NR1I2: variants seen among roughly 807,000 people sequenced by gnomAD.
NR1I2 encodes the protein orphan nuclear receptor PAR1.
NR1I2 carries 42 observed loss-of-function variants against 43.3 expected under a neutral mutation model. That is an observed-to-expected ratio of 0.97 (90% confidence interval 0.76 to 1.26). The LOEUF is 1.26. Ranked by LOEUF, NR1I2 falls within the 50% of genes most tolerant of loss-of-function variation. The pLI, the probability that NR1I2 is intolerant of heterozygous loss-of-function variation, is 0.00. For synonymous variants in NR1I2, 229 were observed against 215.0 expected (o/e 1.06, Z -0.57); for missense variants, 559 against 566.7 (o/e 0.99, Z 0.14).
intron 1 of NR1I2, among the ~76,000 whole-genome samples, chr3:119,797,620 C>T (rs2107957920): frequency 6.6e-6 from 1 of 152,274 alleles, no homozygotes; most frequent in Non-Finnish European, 1.5e-5. Flanking sequence ...ATACATATCT[C>T]TAAAAGATAG....
chr3:119,798,770 T>G (rs190475938), intron 1 of NR1I2, among the ~76,000 whole-genome samples: 2 of 152,206 alleles, frequency 1.3e-5, no homozygotes, highest in Admixed American at 6.5e-5. Context: ...TTCCTGGACA[T>G]TTAATATAAG....
At chr3:119,813,298 C>T (rs974481836) in intron 5 of NR1I2, among the ~76,000 whole-genome samples, 1 of 152,168 alleles carries the variant, frequency 6.6e-6, no homozygotes, top group Non-Finnish European at 1.5e-5. Flanking sequence ...TTGTACTCTC[C>T]CTTAAAGGGG....
At chr3:119,783,103 A>G (rs1229869377) in intron 1 of NR1I2, among the ~76,000 whole-genome samples, 3 of 152,046 alleles carry the variant, frequency 2.0e-5, no homozygotes, top group Admixed American at 2.0e-4. Context: ...CATGGCCTCT[A>G]ATGATATGGT....
At position 119,811,673 on chromosome 3, in the gene NR1I2, G is replaced by T. The variant is rs138795315; in HGVS notation, c.466G>T (p.Asp156Tyr). The T allele has an allele frequency of 1.2e-6, 2 of 1,613,882 alleles. No homozygotes were observed. The highest frequency in any genetic ancestry group is 1.7e-6 in the Non-Finnish European group (2 of 1,179,900). Reference sequence around the variant, plus strand: ...GCGGATGATGATCAGGGAGCTGATGGACGCTCAGATGAAAACCTTTGACAC... The same window carrying T: ...GCGGATGATGATCAGGGAGCTGATGTACGCTCAGATGAAAACCTTTGACAC... Residue 156 changes from aspartate to tyrosine, a missense_variant, in exon 4 of 9, where the codon GAC becomes TAC. Physicochemically the swap from Asp to Tyr is radical, Grantham distance 160. Around this residue, in one of 3 missense-constraint regions of NR1I2, gnomAD observed 232 missense variants for 236.6 expected, o/e 0.98. Transcript: ENST00000393716.
At position 119,817,612 on chromosome 3, in the gene NR1I2, A is replaced by G; in HGVS notation, c.*400A>G. On this transcript the variant is annotated 3_prime_UTR_variant, in exon 9 of 9. Transcript: ENST00000393716. Reference sequence around the variant, plus strand: ...ATCTGGGGTCTATGCCCACATACCCACGTTTGTTCGCTTCCTGAGTCTTTT... The same window carrying G: ...ATCTGGGGTCTATGCCCACATACCCGCGTTTGTTCGCTTCCTGAGTCTTTT... 8.7e-7 allele frequency: 1 copy of G among 1,145,764 alleles called. No homozygotes were observed. The highest frequency in any genetic ancestry group is 1.1e-6 in the Non-Finnish European group (1 of 920,700). The allele number at this position is 1,145,764 out of a possible 1,614,324, so 71.0% of individuals were successfully genotyped here.
At position 119,815,337 on chromosome 3, in the gene NR1I2, C is replaced by T. The variant is rs771690396; in HGVS notation, c.952C>T (p.Leu318Phe). ...ACCATCCACAGGTGGCTTCCAGCAA[C>T]TTCTACTGGAGCCCATGCTGAAATT... The change falls in exon 7 of 9, where the codon CTT (leucine) becomes TTT (phenylalanine). Residue 318 changes from leucine to phenylalanine, a missense_variant. Physicochemically the swap from Leu to Phe is conservative, Grantham distance 22. Transcript: ENST00000393716. 6.2e-7 allele frequency: 1 copy of T among 1,613,954 alleles called. No individual in the cohort carries two copies. Among genetic ancestry groups the T allele is most frequent in the South Asian group, 1.1e-5 (1 of 91,084 alleles).
At chr3:119,808,390 C>T (rs1445697935) in intron 2 of NR1I2, among the ~76,000 whole-genome samples, 1 of 152,236 alleles carries the variant, frequency 6.6e-6, no homozygotes, top group Non-Finnish European at 1.5e-5. Flanking sequence ...CCAGGAGTCC[C>T]CTCACATTGG....
intron 8 of NR1I2, 107 bp downstream of exon 8, chr3:119,815,938 C>T (rs141166461): frequency 2.3e-6 from 2 of 864,014 alleles, no homozygotes; most frequent in African/African-American, 3.3e-5. Context: ...GGAGGTAGCC[C>T]CAGCCAGACC....
At chr3:119,793,606 GTC>G (rs761109532) in intron 1 of NR1I2, among the ~76,000 whole-genome samples, 4 of 152,002 alleles carry the variant, frequency 2.6e-5, no homozygotes, top group Non-Finnish European at 5.9e-5. Flanking sequence ...TCCACATTAC[GTC>G]TCTTTCTCTG....
intron 1 of NR1I2, among the ~76,000 whole-genome samples, chr3:119,784,860 G>GT (rs1357546044): frequency 2.0e-5 from 3 of 151,762 alleles, no homozygotes; most frequent in Non-Finnish European, 4.4e-5. Flanking sequence ...CCACTATAAT[G>GT]TTTACCTTTT....
intron 1 of NR1I2, among the ~76,000 whole-genome samples, chr3:119,799,722 C>T (rs2055050857): frequency 6.6e-6 from 1 of 152,158 alleles, no homozygotes; most frequent in African/African-American, 2.4e-5. Context: ...GTTCATGCCT[C>T]TAATTCCAGC....
chr3:119,802,843 G>T, intron 1 of NR1I2: 1 of 456,492 alleles, frequency 2.2e-6, no homozygotes, highest in Non-Finnish European at 4.4e-6. Flanking sequence ...ACACATGTCT[G>T]TTGAGCAATA....
At chr3:119,786,031 G>A (rs2472673) in intron 1 of NR1I2, among the ~76,000 whole-genome samples, 109,781 of 152,110 alleles carry the variant, frequency 0.72, 42,267 homozygotes, top group East Asian at 1. Context: ...ATTAAATGCT[G>A]TTAAGCATTG....
intron 4 of NR1I2, 73 bp from the exon 5 acceptor site, chr3:119,812,613 G>T: frequency 5.1e-6 from 8 of 1,581,416 alleles, no homozygotes; most frequent in Non-Finnish European, 6.9e-6. Flanking sequence ...TGTTTGGCTG[G>T]GGCCTGAGTT....
chr3:119,818,122 G>A lies in NR1I2; in HGVS notation c.*910G>A. 1.0e-6 allele frequency: 1 copy of A among 985,686 alleles called. No individual in the cohort carries two copies. Among genetic ancestry groups the A allele is most frequent in the Non-Finnish European group, 1.2e-6 (1 of 830,012 alleles). 61.1% of individuals were successfully genotyped at this position (985,686 alleles called of 1,614,324 possible). ...GAGCAAGGGCACAAACTGCAGCTGT[G>A]AGTGCGTGTGTGTGATTTGGTGTAG... is the stretch of plus-strand genomic sequence containing the variant. On this transcript the variant is annotated 3_prime_UTR_variant, in exon 9 of 9. Coordinates refer to ENST00000393716, the MANE Select transcript of NR1I2 (RefSeq NM_003889.4).
rs2107975820 is a variant in NR1I2, at chr3:119,812,933, G to A, written c.767G>A (p.Ser256Asn). The A allele has an allele frequency of 6.2e-7, 1 of 1,613,920 alleles. No individual in the cohort carries two copies. Among genetic ancestry groups the A allele is most frequent in the Non-Finnish European group, 8.5e-7 (1 of 1,180,046 alleles). The change falls in exon 5 of 9, where the codon AGC becomes AAC. Residue 256 changes from serine to asparagine, a missense_variant. This residue lies in a region of NR1I2 where 323 missense variants were observed against 312.2 expected (regional missense o/e 1.03). Transcript: ENST00000393716. The stretch of plus-strand genomic sequence containing the variant: ...ACCTACATGTTCAAAGGCATCATCA[G>A]CTTTGCCAAAGTCATCTCCTACTTC...
intron 4 of NR1I2, 128 bp from the exon 5 acceptor site, chr3:119,812,558 T>C (rs2055258849): frequency 2.0e-6 from 2 of 986,158 alleles, no homozygotes; most frequent in East Asian, 2.4e-5. Flanking sequence ...TGGGTGTGAA[T>C]GCCTGCATTT....
chr3:119,812,761 T>A lies in NR1I2; in HGVS notation c.595T>A (p.Trp199Arg). Residue 199 changes from tryptophan to arginine, a missense_variant, in exon 5 of 9, where the codon TGG (tryptophan) becomes AGG (arginine). Around this residue, in one of 3 missense-constraint regions of NR1I2, gnomAD observed 323 missense variants for 312.2 expected, o/e 1.03. Coordinates refer to ENST00000393716, the MANE Select transcript of NR1I2 (RefSeq NM_003889.4). ...CCCATCGAGGGAAGAAGCTGCCAAG[T>A]GGAGCCAGGTCCGGAAAGATCTGTG... 1.9e-6 allele frequency: 3 copies of A among 1,614,214 alleles called. No individual in the cohort carries two copies. Among genetic ancestry groups the A allele is most frequent in the Non-Finnish European group, 2.5e-6 (3 of 1,180,046 alleles).
In NR1I2 at chr3:119,816,122, C is replaced by T. The variant is rs188267556; in HGVS notation, c.1160+291C>T. 7.9e-5 allele frequency among the ~76,000 whole-genome samples: 12 copies of T among 152,308 alleles called. No individual in the cohort carries two copies. In the South Asian group the frequency reaches 1.0e-3, roughly 13 times the overall value. On this transcript the variant is annotated intron_variant, in intron 8 of 8. Coordinates refer to ENST00000393716, the MANE Select transcript of NR1I2 (RefSeq NM_003889.4). ...GACCCAGAGACAAACTTGGATTTTA[C>T]GGAGCCCAAGGCCATGAAGGGTTAA...
Sources: gnomAD v4.1 joint callset for allele counts (sites outside exome capture counted in the v4.1 genomes callset) on GRCh38, gnomAD v4.1.1 for gene constraint, gnomAD v4.1.1 regional missense constraint, MANE v1.5 for transcripts, NCBI Gene and HGNC (gene_info 2026-07-23, HGNC 2026-07-21) for gene names.